Variants in PRKD1 observed in about 807,000 individuals in gnomAD.
PRKD1 encodes serine/threonine-protein kinase D1.
In PRKD1, 63 loss-of-function variants were observed where a neutral mutation model predicts 95.9. The ratio of observed to expected loss-of-function variants is 0.66; its 90% CI spans 0.54 to 0.81. PRKD1 has a LOEUF of 0.81. Among genes scored for constraint, PRKD1 ranks in the 30% least tolerant of loss-of-function variants. The pLI is 0.00. For synonymous variants in PRKD1, 425 were observed against 423.1 expected (o/e 1.00, Z -0.05); for missense variants, 1,048 against 1,165.3 (o/e 0.90, Z 1.47).
At chr14:29,597,450 T>C in intron 16 of PRKD1, 41 bp downstream of exon 16, 2 of 1,473,964 alleles carry the variant, frequency 1.4e-6, no homozygotes, top group South Asian at 2.9e-5. Flanking sequence ...CATAAACAAA[T>C]AAGGATTAGA....
intron 1 of PRKD1, among the ~76,000 whole-genome samples, chr14:29,919,064 A>G (rs936549144): frequency 7.2e-5 from 11 of 152,222 alleles, no homozygotes; most frequent in African/African-American, 2.7e-4. Context: ...AACAAGCAAT[A>G]CATTCACTAG....
At position 29,656,336 on chromosome 14, in the gene PRKD1, A is replaced by G. The variant is rs901962016; in HGVS notation, c.696+7363T>C. The stretch of plus-strand genomic sequence containing the variant: ...AAACCTGAGGGCTTTCTGTGGGTCA[A>G]TGTGTTGAATTTTGAGCTAAACTCT... On this transcript the variant is annotated intron_variant, in intron 4 of 17. Transcript: ENST00000331968. 19 of 898,984 alleles carry G rather than the reference A, an allele frequency of 2.1e-5. No individual in the cohort carries two copies. The South Asian group carries it at 2.2e-4, about 10-fold the overall frequency. The allele number at this position is 898,984 out of a possible 1,614,324, so 55.7% of individuals were successfully genotyped here.
chr14:29,822,147 GA>G (rs1202965714), intron 1 of PRKD1, among the ~76,000 whole-genome samples: 1 of 152,132 alleles, frequency 6.6e-6, no homozygotes, highest in Non-Finnish European at 1.5e-5. Flanking sequence ...GGTCACTATG[GA>G]AAGCAATCTG....
chr14:29,899,855 G>A (rs940050158), intron 1 of PRKD1, among the ~76,000 whole-genome samples: 19 of 152,176 alleles, frequency 1.2e-4, no homozygotes, highest in Non-Finnish European at 8.8e-5. Context: ...ATCCCCATGT[G>A]TTGGGAGAGG....
At chr14:29,768,720 A>AAAC (rs1555342942) in intron 1 of PRKD1, among the ~76,000 whole-genome samples, 2 of 151,820 alleles carry the variant, frequency 1.3e-5, no homozygotes, top group African/African-American at 4.8e-5. Context: ...AAAAAAAAAA[A>AAAC]AACAACCAAA....
At chr14:29,647,589 A>C (rs1881207351) in intron 4 of PRKD1, among the ~76,000 whole-genome samples, 1 of 152,206 alleles carries the variant, frequency 6.6e-6, no homozygotes, top group African/African-American at 2.4e-5. Context: ...TTATGGTCTC[A>C]CTGGAAAGCT....
intron 1 of PRKD1, among the ~76,000 whole-genome samples, chr14:29,905,394 G>A (rs1356580992): frequency 1.3e-5 from 2 of 152,030 alleles, no homozygotes; most frequent in Non-Finnish European, 2.9e-5. Flanking sequence ...TTAATAGGAG[G>A]AATGCTTTTT....
intron 2 of PRKD1, among the ~76,000 whole-genome samples, chr14:29,714,694 A>G (rs1221866444): frequency 6.6e-6 from 1 of 152,194 alleles, no homozygotes; most frequent in African/African-American, 2.4e-5. Flanking sequence ...AATAGCAAAG[A>G]CTTGGAACCA....
At chr14:29,926,668 G>T (rs558917159) in intron 1 of PRKD1, among the ~76,000 whole-genome samples, 3 of 152,138 alleles carry the variant, frequency 2.0e-5, no homozygotes, top group Non-Finnish European at 2.9e-5. Flanking sequence ...AGGTTTTGTC[G>T]TTGGAAAATG....
intron 1 of PRKD1, among the ~76,000 whole-genome samples, chr14:29,750,626 A>G (rs995259546): frequency 1.3e-5 from 2 of 151,842 alleles, no homozygotes; most frequent in African/African-American, 4.8e-5. Flanking sequence ...GCACACACAC[A>G]CACACACACA....
intron 14 of PRKD1, 146 bp downstream of exon 14, chr14:29,599,510 T>C: frequency 1.4e-6 from 1 of 721,748 alleles, no homozygotes; most frequent in South Asian, 2.1e-5. Context: ...ATAAATCACA[T>C]AATACAATAA....
chr14:29,927,724 A>C lies in PRKD1; in HGVS notation c.-212T>G. 4.9e-6 allele frequency: 1 copy of C among 205,810 alleles called. No homozygotes were observed. The highest frequency in any genetic ancestry group is 9.3e-6 in the Non-Finnish European group (1 of 107,928). The allele number at this position is 205,810 out of a possible 1,614,324, so 12.7% of individuals were successfully genotyped here. ...AGGGGAGGAGATGGGGAGGAGGGAAAATGGCCGAGGCGGGAGGACTCTGAG... is the reference window on the plus strand; with the variant it reads ...AGGGGAGGAGATGGGGAGGAGGGAACATGGCCGAGGCGGGAGGACTCTGAG... On this transcript the variant is annotated 5_prime_UTR_variant, in exon 1 of 18. In the 5' UTR this introduces an upstream ATG that the reference lacks. Coordinates refer to ENST00000331968, the MANE Select transcript of PRKD1 (RefSeq NM_002742.3).
intron 1 of PRKD1, among the ~76,000 whole-genome samples, chr14:29,909,102 C>T (rs547167074): frequency 5.3e-5 from 8 of 152,258 alleles, no homozygotes; most frequent in Middle Eastern, 3.4e-3. Flanking sequence ...GGCTGGCCGG[C>T]GCTGCCAGCC....
At chr14:29,881,663 G>A (rs1338298248) in intron 1 of PRKD1, among the ~76,000 whole-genome samples, 1 of 151,922 alleles carries the variant, frequency 6.6e-6, no homozygotes, top group African/African-American at 2.4e-5. Flanking sequence ...TTTTCATCAG[G>A]TTCCAGTTTG....
At chr14:29,903,360 T>C (rs1348292678) in intron 1 of PRKD1, among the ~76,000 whole-genome samples, 1 of 152,188 alleles carries the variant, frequency 6.6e-6, no homozygotes, top group Non-Finnish European at 1.5e-5. Flanking sequence ...CAGGACTATA[T>C]TTTTAAAAAT....
At chr14:29,777,720 T>C (rs954119886) in intron 1 of PRKD1, among the ~76,000 whole-genome samples, 7 of 152,054 alleles carry the variant, frequency 4.6e-5, no homozygotes, top group African/African-American at 9.7e-5. Context: ...CCACTGTCAA[T>C]ATTAGACAGA....
At chr14:29,846,419 G>T (rs915036344) in intron 1 of PRKD1, among the ~76,000 whole-genome samples, 48 of 152,158 alleles carry the variant, frequency 3.2e-4, no homozygotes, top group Non-Finnish European at 1.3e-4. Flanking sequence ...GTTACCCTAT[G>T]AATATCCAGG....
rs1889929099 is a variant in PRKD1, at chr14:29,799,168, C to T, written c.265-73494G>A. 2.6e-5 allele frequency among the ~76,000 whole-genome samples: 4 copies of T among 152,202 alleles called. No individual in the cohort carries two copies. In the South Asian group the frequency reaches 8.3e-4, roughly 31 times the overall value. ...AGTATGCAAGAATCAAAGTTGTAGA[C>T]TTGCTAATTTCTTGGCAAATTTCAA... On this transcript the variant is annotated intron_variant, in intron 1 of 17. Transcript: ENST00000331968.
intron 1 of PRKD1, among the ~76,000 whole-genome samples, chr14:29,739,668 G>A (rs1312836732): frequency 1.3e-5 from 2 of 152,192 alleles, no homozygotes; most frequent in Admixed American, 1.3e-4. Context: ...ACTGGAACTC[G>A]CTTAACCTTT....
Sources: allele counts gnomAD v4.1 joint callset (sites outside exome capture counted in the v4.1 genomes callset), GRCh38; gene constraint gnomAD v4.1.1; transcripts MANE v1.5; gene names NCBI Gene and HGNC (gene_info 2026-07-23, HGNC 2026-07-21).